The following TBCK variants were observed in gnomAD, a reference collection of about 807,000 sequenced individuals.
The protein encoded by TBCK is TBC1 domain containing kinase, also known as TBC domain-containing protein kinase-like protein.
A neutral mutation model predicts 113.4 loss-of-function variants in TBCK; 99 were observed. That is an observed-to-expected ratio of 0.87 (90% CI 0.74 to 1.03). TBCK has a LOEUF of 1.03. Ranked by LOEUF, TBCK falls within the 50% of genes least tolerant of loss-of-function variation. The pLI is 0.00. For missense variants in TBCK, 1,045 were observed against 1,061.3 expected (o/e 0.98, Z 0.21); for synonymous variants, 369 against 370.8 (o/e 1.00, Z 0.05).
intron 5 of TBCK, among the ~76,000 whole-genome samples, chr4:106,253,283 T>C (rs1458103661): frequency 6.6e-6 from 1 of 152,192 alleles, no homozygotes; most frequent in African/African-American, 2.4e-5. Context: ...ATTATCTATA[T>C]TGTTGGATGA....
chr4:106,060,073 A>T (rs533741006), intron 25 of TBCK, among the ~76,000 whole-genome samples: 92 of 151,922 alleles, frequency 6.1e-4, no homozygotes, highest in Non-Finnish European at 8.8e-5. Flanking sequence ...GCTAGCAGAC[A>T]TTGGTTCATG....
chr4:106,160,442 C>T (rs893568828), intron 23 of TBCK, among the ~76,000 whole-genome samples: 1 of 151,552 alleles, frequency 6.6e-6, no homozygotes, highest in African/African-American at 2.4e-5. Context: ...ACTCAAAAGA[C>T]CTTGAATAGG....
At chr4:106,112,393 G>C (rs1443558924) in intron 24 of TBCK, among the ~76,000 whole-genome samples, 1 of 152,194 alleles carries the variant, frequency 6.6e-6, no homozygotes, top group African/African-American at 2.4e-5. Context: ...TACTAAAACA[G>C]TTCAATCCCC....
chr4:106,165,533 G>C (rs1476967395), intron 23 of TBCK, among the ~76,000 whole-genome samples: 3 of 151,710 alleles, frequency 2.0e-5, no homozygotes, highest in Non-Finnish European at 3.0e-5. Context: ...TAACATAGCT[G>C]AGGAAAAACA....
At chr4:106,165,174 C>T (rs1177182358) in intron 23 of TBCK, among the ~76,000 whole-genome samples, 1 of 151,604 alleles carries the variant, frequency 6.6e-6, no homozygotes, top group Non-Finnish European at 1.5e-5. Flanking sequence ...TCCCAAAATA[C>T]ATTCCGTTCA....
chr4:106,262,240 C>A, intron 3 of TBCK, 28 bp from the exon 4 acceptor site: 2 of 1,297,150 alleles, frequency 1.5e-6, no homozygotes, highest in South Asian at 1.3e-5. Flanking sequence ...AGTCAAAGAT[C>A]AATTACAAAG....
chr4:106,299,186 A>T (rs1400438597), intron 2 of TBCK, among the ~76,000 whole-genome samples: 1 of 152,160 alleles, frequency 6.6e-6, no homozygotes, highest in African/African-American at 2.4e-5. Context: ...ATGTAATATA[A>T]AGATAACTGT....
At chr4:106,230,161 T>C (rs1426234860) in intron 19 of TBCK, among the ~76,000 whole-genome samples, 1 of 151,948 alleles carries the variant, frequency 6.6e-6, no homozygotes, top group Non-Finnish European at 1.5e-5. Context: ...AGATCAGATA[T>C]CAAATATCCA....
At chr4:106,133,390 AG>A (rs1488732127) in intron 23 of TBCK, among the ~76,000 whole-genome samples, 1 of 152,180 alleles carries the variant, frequency 6.6e-6, no homozygotes, top group Non-Finnish European at 1.5e-5. Flanking sequence ...TGGAACTGTG[AG>A]TCAATTAAAC....
intron 23 of TBCK, among the ~76,000 whole-genome samples, chr4:106,146,629 G>A (rs571903681): frequency 9.9e-5 from 15 of 152,108 alleles, no homozygotes; most frequent in Non-Finnish European, 1.6e-4. Context: ...ATATGCTAAC[G>A]GTCATCTAAG....
At chr4:106,150,734 T>C (rs757941430) in intron 23 of TBCK, among the ~76,000 whole-genome samples, 1 of 152,064 alleles carries the variant, frequency 6.6e-6, no homozygotes, top group Non-Finnish European at 1.5e-5. Context: ...CAAAGATAAG[T>C]ATGTAATTAT....
intron 7 of TBCK, 47 bp downstream of exon 7, chr4:106,250,371 G>C: frequency 8.0e-7 from 1 of 1,250,284 alleles, no homozygotes; most frequent in South Asian, 1.3e-5. Context: ...ATTACTAATA[G>C]TAAGTTATAT....
At chr4:106,306,364 C>T (rs906111244) in intron 2 of TBCK, among the ~76,000 whole-genome samples, 6 of 150,368 alleles carry the variant, frequency 4.0e-5, no homozygotes, top group African/African-American at 1.2e-4. Context: ...GGATTATAGG[C>T]ATGGGCCACC....
intron 23 of TBCK, among the ~76,000 whole-genome samples, chr4:106,125,015 A>C (rs558627103): frequency 0.028 from 4,194 of 150,296 alleles, 187 homozygotes; most frequent in African/African-American, 0.097. Flanking sequence ...AAAAAAAAAA[A>C]CACAATGTGA....
At chr4:106,123,676 G>A (rs1250313703) in intron 23 of TBCK, among the ~76,000 whole-genome samples, 1 of 152,040 alleles carries the variant, frequency 6.6e-6, no homozygotes, top group Non-Finnish European at 1.5e-5. Context: ...GAACAGAACA[G>A]AGCCCTCAGA....
At chr4:106,168,525 A>G (rs1301815135) in intron 23 of TBCK, among the ~76,000 whole-genome samples, 2 of 151,974 alleles carry the variant, frequency 1.3e-5, no homozygotes, top group Non-Finnish European at 2.9e-5. Flanking sequence ...TAAGAGGTGT[A>G]CTAATTGGCA....
chr4:106,073,184 G>C (rs1578813745), intron 25 of TBCK, among the ~76,000 whole-genome samples: 1 of 152,118 alleles, frequency 6.6e-6, no homozygotes, highest in East Asian at 1.9e-4. Flanking sequence ...AGGTGCTCTG[G>C]TTTTTAGAAT....
intron 25 of TBCK, among the ~76,000 whole-genome samples, chr4:106,059,250 T>C (rs369768295): frequency 1.1e-4 from 17 of 151,752 alleles, no homozygotes; most frequent in African/African-American, 2.9e-4. Context: ...GTTGGAAAAA[T>C]TGTATATACA....
intron 24 of TBCK, among the ~76,000 whole-genome samples, chr4:106,103,386 G>A (rs1347790335): frequency 6.6e-6 from 1 of 152,172 alleles, no homozygotes; most frequent in African/African-American, 2.4e-5. Flanking sequence ...ATCTAGTGTA[G>A]AGGAATCAAT....
Sources: gnomAD v4.1 joint callset for allele counts (sites outside exome capture counted in the v4.1 genomes callset) on GRCh38, gnomAD v4.1.1 for gene constraint, MANE v1.5 for transcripts, NCBI Gene and HGNC (gene_info 2026-07-23, HGNC 2026-07-21) for gene names.